Variants in SYNJ2 observed in about 807,000 individuals in gnomAD.
SYNJ2 encodes synaptojanin 2, also known as polyphosphatidylinositol phosphatase SYNJ2.
SYNJ2 carries 116 observed loss-of-function variants against 141.3 expected under a neutral mutation model. That is an observed-to-expected ratio of 0.82 (90% CI 0.71 to 0.96). The LOEUF is 0.96. SYNJ2 is among the 40% of genes least tolerant of loss of function. SYNJ2 has a pLI of 0.00. For missense variants in SYNJ2, 1,873 were observed against 1,934.8 expected, an observed-to-expected ratio of 0.97 and a Z score of 0.60; for synonymous variants, 745 against 777.7, an observed-to-expected ratio of 0.96 and a Z score of 0.70.
chr6:158,026,817 C>A lies in SYNJ2; in HGVS notation c.215-1939C>A, dbSNP rs941173363. 6 of 985,066 alleles carry A rather than the reference C, an allele frequency of 6.1e-6. No individual in the cohort carries two copies. In the African/African-American group the frequency reaches 1.0e-4, roughly 17 times the overall value. 61.0% of individuals were successfully genotyped at this position (985,066 alleles called of 1,614,324 possible). ...TTCTGCTGAACTGTGCTTTTCCCTG[C>A]ACTGTGTCAGAAGAGGCAGGTGGGT... is the stretch of plus-strand genomic sequence containing the variant. On this transcript the variant is annotated intron_variant, in intron 2 of 26. Coordinates refer to ENST00000355585, the MANE Select transcript of SYNJ2 (RefSeq NM_003898.4).
In SYNJ2 at chr6:158,017,481, C is replaced by A. The variant is rs922134122; in HGVS notation, c.214+191C>A. On this transcript the variant is annotated intron_variant, in intron 2 of 26. Coordinates refer to ENST00000355585, the MANE Select transcript of SYNJ2 (RefSeq NM_003898.4). Reference sequence around the variant, plus strand: ...CCAGGCTGCAGTGCAATGGCGCGATCTCGGCTCACCACAACCTCTGCCTCC... The same window carrying A: ...CCAGGCTGCAGTGCAATGGCGCGATATCGGCTCACCACAACCTCTGCCTCC... The A allele has an allele frequency of 5.4e-6, 4 of 741,554 alleles. No homozygotes were observed. The African/African-American group carries it at 7.2e-5, about 13-fold the overall frequency. 45.9% of individuals were successfully genotyped at this position (741,554 alleles called of 1,614,324 possible).
rs1782898493 is a variant in SYNJ2 at position 158,084,280 on chromosome 6, G to C, written c.3208+106G>C. 1.1e-5 allele frequency: 14 copies of C among 1,315,386 alleles called. No individual in the cohort carries two copies. Among genetic ancestry groups the C allele is most frequent in the Non-Finnish European group, 1.4e-5 (13 of 962,892 alleles). 81.5% of individuals were successfully genotyped at this position (1,315,386 alleles called of 1,614,324 possible). A position where few individuals can be genotyped will look rare whatever the true frequency, so the allele number is the denominator to read the frequency against. ...GGCACTGTGTGATATCAAGTATGCA[G>C]GTCCCAGGAGAGACCTCAACCAGGC... is the stretch of plus-strand genomic sequence containing the variant. On this transcript the variant is annotated intron_variant, in intron 22 of 26. Transcript: ENST00000355585. The surrounding 1 kb of genome is among the most constrained non-coding windows in gnomAD (Gnocchi z 5.0).
intron 18 of SYNJ2, chr6:158,078,962 T>G (rs950790450): frequency 6.6e-6 from 1 of 152,076 alleles, no homozygotes; most frequent in African/African-American, 2.4e-5. Flanking sequence ...GCCTGGCTAA[T>G]TTTTGTGTTT....
chr6:158,007,582 A>C (rs1317608206), intron 1 of SYNJ2, among the ~76,000 whole-genome samples: 1 of 152,190 alleles, frequency 6.6e-6, no homozygotes, highest in Non-Finnish European at 1.5e-5. Context: ...CAGATATGTG[A>C]TGATGTTGAG....
chr6:158,048,041 A>G (rs1169578315), intron 5 of SYNJ2, among the ~76,000 whole-genome samples: 1 of 152,050 alleles, frequency 6.6e-6, no homozygotes, highest in East Asian at 1.9e-4. Flanking sequence ...TCCCTCATAG[A>G]CTCATCGTAA....
At chr6:158,064,493 C>A in intron 9 of SYNJ2, 108 bp from the exon 10 acceptor site, 1 of 1,402,748 alleles carries the variant, frequency 7.1e-7, no homozygotes, top group Non-Finnish European at 9.8e-7. Context: ...ACAGAGTCTT[C>A]CAGGCACAGC....
Position 158,028,744 on chromosome 6 carries a change from T to A in SYNJ2, c.215-12T>A, listed in dbSNP as rs1363601373. 1 of 1,613,000 alleles carries A rather than the reference T, an allele frequency of 6.2e-7. No individual in the cohort carries two copies. Among genetic ancestry groups the A allele is most frequent in the East Asian group, 2.2e-5 (1 of 44,860 alleles). The stretch of plus-strand genomic sequence containing the variant: ...TTCGACCCTGAGCTCTCCTGTCTGA[T>A]TTCCTTTCCAGGTGGCACGTCTCTG... On this transcript the variant is annotated splice_polypyrimidine_tract_variant and intron_variant, in intron 2 of 26. Transcript: ENST00000355585.
chr6:158,034,722 TG>T (rs1393570398), intron 4 of SYNJ2, among the ~76,000 whole-genome samples: 1 of 152,246 alleles, frequency 6.6e-6, no homozygotes, highest in Admixed American at 6.5e-5. Context: ...AAAATGAGAT[TG>T]CTTTTGGCAT....
chr6:158,042,808 G>A (rs1016239641), intron 4 of SYNJ2, among the ~76,000 whole-genome samples: 2 of 152,212 alleles, frequency 1.3e-5, no homozygotes, highest in African/African-American at 2.4e-5. Context: ...ATCAGGTTGA[G>A]TCTTGCATTG....
intron 1 of SYNJ2, among the ~76,000 whole-genome samples, chr6:157,987,601 C>T (rs989717422): frequency 5.3e-5 from 8 of 151,998 alleles, no homozygotes; most frequent in East Asian, 1.9e-4. Flanking sequence ...GGGGTTTCGC[C>T]GTGTTGGCCA....
Position 158,066,453 on chromosome 6 carries a change from G to C in SYNJ2, c.1535G>C (p.Arg512Thr). Residue 512 changes from arginine to threonine, a missense_variant, in exon 12 of 27, where the codon AGG becomes ACG. Arg to Thr is a moderately conservative substitution (Grantham distance 71). Transcript: ENST00000355585. The stretch of plus-strand genomic sequence containing the variant: ...TTATGCCTCCTGACAGTGACTCCCA[G>C]GATCCTGAAAGCTATGACTGAGCGT... ...LDSTALLVTP[R>T]ILKAMTERQS... is the part of the protein sequence containing the mutation. 1 of 1,614,158 alleles carries C rather than the reference G, an allele frequency of 6.2e-7. No homozygotes were observed. Among genetic ancestry groups the C allele is most frequent in the Non-Finnish European group, 8.5e-7 (1 of 1,180,034 alleles).
rs568222551 is a variant in SYNJ2, at chr6:158,088,034, A to ATTT, written c.3344-584_3344-582dup. Among the ~76,000 whole-genome samples, 24 of 31,898 alleles carry ATTT rather than the reference A, an allele frequency of 7.5e-4. 2 individuals are homozygous for ATTT. Among genetic ancestry groups the ATTT allele is most frequent in the East Asian group, 3.4e-3 (2 of 590 alleles). The allele number at this position is 31,898 out of a possible 152,430, so 20.9% of individuals were successfully genotyped here. On this transcript the variant is annotated intron_variant, in intron 23 of 26. Transcript: ENST00000355585. ...TAACAGTTTATTCCCCTGCTTTGGA[A>ATTT]TTTTTTTTTTTTTTTTTTTTTTTTT...
chr6:158,080,508 CT>C lies in SYNJ2; in HGVS notation c.2568-590del, dbSNP rs1169943058. Among the ~76,000 whole-genome samples the C allele has an allele frequency of 6.9e-3, 1,009 of 145,698 alleles. 7 individuals are homozygous for C. Among genetic ancestry groups the C allele is most frequent in the African/African-American group, 0.022 (899 of 40,022 alleles). On this transcript the variant is annotated intron_variant, in intron 18 of 26. Transcript: ENST00000355585. ...AAAAAAAAAAAAAACGAGCATTTCC[CT>C]TTTTTTTTTTCCCTCCCATCAACAA...
intron 4 of SYNJ2, among the ~76,000 whole-genome samples, chr6:158,037,246 C>A (rs1779684162): frequency 6.6e-6 from 1 of 151,732 alleles, no homozygotes; most frequent in South Asian, 2.1e-4. Flanking sequence ...CCCTTCTGAG[C>A]CCACCTGACC....
intron 7 of SYNJ2, 47 bp from the exon 8 acceptor site, chr6:158,061,945 C>G: frequency 6.3e-7 from 1 of 1,587,064 alleles, no homozygotes; most frequent in Non-Finnish European, 8.6e-7. Context: ...CCCTCCTCGT[C>G]CTCCCTTCCC....
Position 158,059,364 on chromosome 6 carries a change from G to C in SYNJ2, c.954+11G>C. 6.5e-7 allele frequency: 1 copy of C among 1,549,306 alleles called. No individual in the cohort carries two copies. Among genetic ancestry groups the C allele is most frequent in the Non-Finnish European group, 8.7e-7 (1 of 1,146,490 alleles). On this transcript the variant is annotated intron_variant, in intron 7 of 26. Transcript: ENST00000355585. ...AACAGAGCCTTCAAGGTAAGGCCAG[G>C]CTGTCCTCTCCACAGCTGGGCTGGG...
chr6:158,066,482 T>A lies in SYNJ2; in HGVS notation c.1564T>A (p.Ser522Thr). Reference sequence around the variant, plus strand: ...CCTGAAAGCTATGACTGAGCGTCAGTCCGAATTCACAAATTTCAAGCGGAT... The same window carrying A: ...CCTGAAAGCTATGACTGAGCGTCAGACCGAATTCACAAATTTCAAGCGGAT... Reference protein sequence around the residue: ...RILKAMTERQSEFTNFKRIRI... With the variant: ...RILKAMTERQTEFTNFKRIRI... Residue 522 changes from serine to threonine, a missense_variant, in exon 12 of 27, where the codon TCC (serine) becomes ACC (threonine). Transcript: ENST00000355585. The A allele has an allele frequency of 1.2e-6, 2 of 1,614,100 alleles. No homozygotes were observed. Among genetic ancestry groups the A allele is most frequent in the Non-Finnish European group, 1.7e-6 (2 of 1,180,016 alleles).
chr6:158,025,106 G>C (rs1778971116), intron 2 of SYNJ2, among the ~76,000 whole-genome samples: 1 of 152,192 alleles, frequency 6.6e-6, no homozygotes, highest in South Asian at 2.1e-4. Flanking sequence ...GAGGCTGGAA[G>C]TCCGAGACCA....
At chr6:157,984,984 C>T (rs541853829) in intron 1 of SYNJ2, among the ~76,000 whole-genome samples, 1 of 152,312 alleles carries the variant, frequency 6.6e-6, no homozygotes, top group South Asian at 2.1e-4. Context: ...TGCTCCGCTG[C>T]GGATGCACAT....
Sources: gnomAD v4.1 joint callset for allele counts (sites outside exome capture counted in the v4.1 genomes callset) on GRCh38, gnomAD v4.1.1 for gene constraint, Gnocchi (gnomAD v3.1) non-coding constraint, MANE v1.5 for transcripts, NCBI Gene and HGNC (gene_info 2026-07-23, HGNC 2026-07-21) for gene names.